Variants in PCDHA10 observed in about 807,000 individuals in gnomAD.
PCDHA10 encodes the protein protocadherin alpha-10.
PCDHA10 carries 45 observed loss-of-function variants against 61.2 expected under a neutral mutation model. The ratio of observed to expected loss-of-function variants is 0.74; its 90% CI spans 0.58 to 0.94. PCDHA10 has a LOEUF of 0.94. Ranked by LOEUF, PCDHA10 falls within the 40% of genes least tolerant of loss-of-function variation. The pLI is 0.00. For synonymous variants in PCDHA10, 602 were observed against 548.8 expected (o/e 1.10, Z -1.35); for missense variants, 1,278 against 1,236.2 (o/e 1.03, Z -0.51).
chr5:140,937,916 A>T (rs903757303), intron 1 of PCDHA10, among the ~76,000 whole-genome samples: 37 of 152,106 alleles, frequency 2.4e-4, no homozygotes, highest in Non-Finnish European at 1.8e-4. Flanking sequence ...CGTCTCAAAA[A>T]AAAAAAAAAA....
intron 3 of PCDHA10, among the ~76,000 whole-genome samples, chr5:140,996,604 A>G (rs1554255259): frequency 1.3e-5 from 2 of 152,090 alleles, no homozygotes; most frequent in African/African-American, 4.8e-5. Flanking sequence ...CCCCATTTTC[A>G]TTTGGCAAAT....
intron 3 of PCDHA10, among the ~76,000 whole-genome samples, chr5:140,991,146 G>A (rs2097434554): frequency 6.6e-6 from 1 of 151,978 alleles, no homozygotes; most frequent in African/African-American, 2.4e-5. Context: ...AATGTTTTTT[G>A]CTCACCATTG....
intron 1 of PCDHA10, among the ~76,000 whole-genome samples, chr5:140,907,345 G>A (rs568376480): frequency 3.3e-5 from 5 of 152,296 alleles, no homozygotes; most frequent in East Asian, 1.9e-4. Flanking sequence ...GCATGAGCCC[G>A]CTGCTGCACT....
chr5:140,893,795 C>T (rs1030354295), intron 1 of PCDHA10, among the ~76,000 whole-genome samples: 34 of 152,002 alleles, frequency 2.2e-4, no homozygotes, highest in African/African-American at 7.7e-4. Context: ...TTAGAATTCC[C>T]TCCTTGTCTT....
At chr5:140,991,754 G>A (rs1554252407) in intron 3 of PCDHA10, among the ~76,000 whole-genome samples, 2 of 152,034 alleles carry the variant, frequency 1.3e-5, no homozygotes, top group African/African-American at 4.8e-5. Context: ...TTTCTATCAT[G>A]CTCTTCAAAA....
chr5:140,891,241 G>A (rs2153433469), intron 1 of PCDHA10, among the ~76,000 whole-genome samples: 1 of 152,200 alleles, frequency 6.6e-6, no homozygotes, highest in Middle Eastern at 3.4e-3. Flanking sequence ...TCTGGATTCA[G>A]TAGGATTTTT....
chr5:140,870,447 C>T (rs1554164277), intron 1 of PCDHA10: 15 of 1,614,216 alleles, frequency 9.3e-6, no homozygotes, highest in Non-Finnish European at 9.3e-6. Flanking sequence ...CCGACGTGAA[C>T]GACAATGCGC....
At chr5:140,862,964 G>T (rs782069131) in intron 1 of PCDHA10, 2 of 544,720 alleles carry the variant, frequency 3.7e-6, no homozygotes, top group South Asian at 2.8e-5. Context: ...TTCAGTGGAT[G>T]CAGGCCACTT....
At chr5:140,871,062 C>T (rs1434880600) in intron 1 of PCDHA10, 2 of 1,613,102 alleles carry the variant, frequency 1.2e-6, no homozygotes, top group African/African-American at 2.7e-5. Context: ...TGAAGGATCA[C>T]GGTGAGCCGG....
intron 1 of PCDHA10, chr5:140,884,355 T>A (rs1562803326): frequency 1.9e-6 from 3 of 1,613,922 alleles, no homozygotes; most frequent in East Asian, 2.2e-5. Context: ...CTGGTGGATG[T>A]CAATGTTTAC....
At chr5:140,965,254 T>C (rs2153743153) in intron 1 of PCDHA10, among the ~76,000 whole-genome samples, 1 of 152,302 alleles carries the variant, frequency 6.6e-6, no homozygotes, top group African/African-American at 2.4e-5. Context: ...TATTCAGAAC[T>C]GAGCAGCAGA....
At chr5:140,952,111 G>A (rs1040553968) in intron 1 of PCDHA10, among the ~76,000 whole-genome samples, 1 of 152,086 alleles carries the variant, frequency 6.6e-6, no homozygotes, top group Non-Finnish European at 1.5e-5. Context: ...ACTCGTGTGA[G>A]GGATGGGCTC....
At chr5:140,920,611 C>T (rs919244668) in intron 1 of PCDHA10, among the ~76,000 whole-genome samples, 4 of 152,068 alleles carry the variant, frequency 2.6e-5, no homozygotes, top group Non-Finnish European at 5.9e-5. Flanking sequence ...TTTGGGAGGC[C>T]GAGGCGGATG....
At chr5:140,929,555 C>A in intron 1 of PCDHA10, 1 of 485,752 alleles carries the variant, frequency 2.1e-6, no homozygotes, top group Non-Finnish European at 3.5e-6. Context: ...AAATTAAAAC[C>A]TATTTAAGAA....
At chr5:140,919,404 T>C (rs1554199054) in intron 1 of PCDHA10, among the ~76,000 whole-genome samples, 1 of 152,218 alleles carries the variant, frequency 6.6e-6, no homozygotes, top group African/African-American at 2.4e-5. Context: ...TCCTAAAAAC[T>C]CTAGACTGAC....
At chr5:140,898,467 T>G (rs576206648) in intron 1 of PCDHA10, among the ~76,000 whole-genome samples, 147 of 152,296 alleles carry the variant, frequency 9.7e-4, no homozygotes, top group Non-Finnish European at 1.9e-3. Flanking sequence ...CATTGCTTGT[T>G]TTTCTCAGGT....
chr5:140,941,284 TTCTC>T (rs1234192371), intron 1 of PCDHA10, among the ~76,000 whole-genome samples: 2 of 124,572 alleles, frequency 1.6e-5, no homozygotes, highest in African/African-American at 2.8e-5. Flanking sequence ...CTTCCTTCCT[TTCTC>T]TTTCTTTCTT....
At position 140,856,391 on chromosome 5, in the gene PCDHA10, G is replaced by A. The variant is rs1554148627; in HGVS notation, c.343G>A (p.Val115Ile). 1 of 1,598,560 alleles carries A rather than the reference G, an allele frequency of 6.3e-7. No individual in the cohort carries two copies. Among genetic ancestry groups the A allele is most frequent in the Non-Finnish European group, 8.6e-7 (1 of 1,167,990 alleles). Residue 115 changes from valine to isoleucine, a missense_variant, in exon 1 of 4, where the codon GTT becomes ATT. Val to Ile is a conservative substitution (Grantham distance 29). Coordinates refer to ENST00000307360, the MANE Select transcript of PCDHA10 (RefSeq NM_018901.4). ...GGTGATCGTGGACAGGCCGCTGCAG[G>A]TTTTCCATGTGGACGTGGAAGTGAA... ...LEVIVDRPLQ[V>I]FHVDVEVKDI...
intron 1 of PCDHA10, chr5:140,869,124 G>C: frequency 6.2e-7 from 1 of 1,608,632 alleles, no homozygotes; most frequent in East Asian, 2.2e-5. Flanking sequence ...TTCAGAGAAG[G>C]GGATTGGGCA....
Sources: allele counts gnomAD v4.1 joint callset (sites outside exome capture counted in the v4.1 genomes callset), GRCh38; gene constraint gnomAD v4.1.1; transcripts MANE v1.5; gene names NCBI Gene and HGNC (gene_info 2026-07-23, HGNC 2026-07-21).